Variants in SORBS3 observed in about 807,000 individuals in gnomAD.
SORBS3 encodes vinexin.
In SORBS3, 69 loss-of-function variants were observed where a neutral mutation model predicts 98.0. That is an observed-to-expected ratio of 0.70 (90% confidence interval 0.58 to 0.86). The LOEUF (loss-of-function observed/expected upper bound fraction) is 0.86, where lower values mean the gene tolerates loss of function less well. Among genes scored for constraint, SORBS3 ranks in the 40% least tolerant of loss-of-function variants. The probability of loss-of-function intolerance (pLI) is 0.00; values close to 1 mark genes in which losing one functional copy is unlikely to be tolerated. For synonymous variants in SORBS3, 394 were observed against 355.4 expected (o/e 1.11, Z -1.22); for missense variants, 954 against 908.5 (o/e 1.05, Z -0.64).
chr8:22,565,288 GGCCGAGCTGAGC>G lies in SORBS3; in HGVS notation c.847_858del (p.Ser283_Leu286del). On this transcript the variant is annotated inframe_deletion, in exon 11 of 21. Coordinates refer to ENST00000240123, the MANE Select transcript of SORBS3 (RefSeq NM_005775.5). The stretch of plus-strand genomic sequence containing the variant: ...CCCAGGTGCTGCTGGAGAGAGAGCT[GGCCGAGCTGAGC>G]GCCGAGCTGGACAAGGACCTGCGGG... The G allele has an allele frequency of 6.4e-7, 1 of 1,555,600 alleles. No homozygotes were observed. Among genetic ancestry groups the G allele is most frequent in the Non-Finnish European group, 8.7e-7 (1 of 1,149,834 alleles).
intron 18 of SORBS3, 138 bp from the exon 19 acceptor site, chr8:22,571,551 ACAGCAGGTGTCCCTGTGCCCTGGGGGTTT>A: frequency 1.6e-6 from 1 of 621,396 alleles, no homozygotes; most frequent in Non-Finnish European, 2.9e-6. Context: ...TGAAATAGTC[ACAGCAGGTGTCCCTGTGCCCTGGGGGTTT>A]GGAGGCTAAG....
rs1840349333 is a variant in SORBS3 at position 22,564,000 on chromosome 8, C to A, written c.598C>A (p.His200Asn). 7 of 1,613,428 alleles carry A rather than the reference C, an allele frequency of 4.3e-6. No individual in the cohort carries two copies. The highest frequency in any genetic ancestry group is 1.3e-5 in the African/African-American group (1 of 74,916). ...CCCTTTCTTTAGAAGAAGCTGGGACCACTCTGAAGAGTTACCTAGAAGCAC... is the reference window on the plus strand; with the variant it reads ...CCCTTTCTTTAGAAGAAGCTGGGACAACTCTGAAGAGTTACCTAGAAGCAC... Reference protein sequence around the residue: ...ATSSSGRSWDHSEELPRSTFN... With the variant: ...ATSSSGRSWDNSEELPRSTFN... Residue 200 changes from histidine (H) to asparagine (N), a missense_variant, in exon 8 of 21, where the codon CAC (histidine) becomes AAC (asparagine). Physicochemically the swap from His to Asn is moderately conservative, Grantham distance 68. Coordinates refer to ENST00000240123, the MANE Select transcript of SORBS3 (RefSeq NM_005775.5).
intron 17 of SORBS3, among the ~76,000 whole-genome samples, chr8:22,569,843 AT>A (rs1468485109): frequency 1.3e-5 from 2 of 151,858 alleles, no homozygotes; most frequent in African/African-American, 4.8e-5. Flanking sequence ...CTCCCAAGTA[AT>A]TTTGGTCCAT....
At chr8:22,559,908 T>C (rs146988711) in intron 5 of SORBS3, among the ~76,000 whole-genome samples, 1 of 150,096 alleles carries the variant, frequency 6.7e-6, no homozygotes, top group Admixed American at 6.7e-5. Flanking sequence ...CTCTATCAAA[T>C]ATACCAAAAT....
Position 22,563,131 on chromosome 8 carries a change from A to C in SORBS3, c.585-856A>C, listed in dbSNP as rs189839632. ...GAGACTCCGTATCAAAAAAAAAAAA[A>C]ATTATGATTACTGCTTCCTTAGGTT... On this transcript the variant is annotated intron_variant, in intron 7 of 20. Transcript: ENST00000240123. Among the ~76,000 whole-genome samples, 32 of 152,258 alleles carry C rather than the reference A, an allele frequency of 2.1e-4. 1 individual carries two copies. In the East Asian group the frequency reaches 4.6e-3, roughly 22 times the overall value.
At chr8:22,570,228 G>C (rs947725199) in intron 17 of SORBS3, among the ~76,000 whole-genome samples, 1 of 152,198 alleles carries the variant, frequency 6.6e-6, no homozygotes, top group African/African-American at 2.4e-5. Flanking sequence ...GAAGAAGGTG[G>C]CTGGATGGAG....
intron 12 of SORBS3, 47 bp downstream of exon 12, chr8:22,565,919 C>T (rs903501742): frequency 1.7e-6 from 2 of 1,180,550 alleles, no homozygotes; most frequent in East Asian, 6.6e-5. Flanking sequence ...CCAGGCCGGG[C>T]GGGAGGGAAC....
chr8:22,560,512 G>A (rs1383915705), intron 5 of SORBS3, among the ~76,000 whole-genome samples: 2 of 152,108 alleles, frequency 1.3e-5, no homozygotes, highest in Admixed American at 6.5e-5. Flanking sequence ...AGTGGAAAGG[G>A]AATTCCAAAA....
chr8:22,562,673 G>C (rs1840320262), intron 7 of SORBS3, among the ~76,000 whole-genome samples: 1 of 152,218 alleles, frequency 6.6e-6, no homozygotes, highest in African/African-American at 2.4e-5. Context: ...CACTAGCCAT[G>C]TGACTGTGGG....
chr8:22,557,968 G>A (rs1840217975), intron 4 of SORBS3, among the ~76,000 whole-genome samples, 161 bp from the exon 5 acceptor site: 1 of 152,200 alleles, frequency 6.6e-6, no homozygotes, highest in African/African-American at 2.4e-5. Flanking sequence ...GTTACATGAA[G>A]CTATTGTTAT....
chr8:22,568,773 AT>A (rs1840490221), intron 16 of SORBS3, among the ~76,000 whole-genome samples: 1 of 152,208 alleles, frequency 6.6e-6, no homozygotes, highest in South Asian at 2.1e-4. Context: ...AAAAGGGTGA[AT>A]GCTCAGTTTT....
At chr8:22,546,508 G>GT (rs1840017529) in intron 1 of SORBS3, among the ~76,000 whole-genome samples, 1 of 152,124 alleles carries the variant, frequency 6.6e-6, no homozygotes, top group Non-Finnish European at 1.5e-5. Flanking sequence ...ACGTGTTTCT[G>GT]TTTCTCCCAA....
In SORBS3 at chr8:22,558,091, T is replaced by C. The variant is rs10096986; in HGVS notation, c.415-38T>C. 15,622 of 1,606,174 alleles carry C rather than the reference T, an allele frequency of 9.7e-3. 1,200 individuals are homozygous for C. The African/African-American group carries it at 0.17, about 18-fold the overall frequency. ...TGTGGCTTGAAATTGGGAGGGTGAA[T>C]AAGCAGGGAGGACTGACTTTGCATT... On this transcript the variant is annotated intron_variant, in intron 4 of 20. Coordinates refer to ENST00000240123, the MANE Select transcript of SORBS3 (RefSeq NM_005775.5).
chr8:22,560,396 G>C (rs956070683), intron 5 of SORBS3, among the ~76,000 whole-genome samples: 7 of 152,116 alleles, frequency 4.6e-5, no homozygotes, highest in Admixed American at 3.9e-4. Context: ...GAGCCCCCAC[G>C]CACCTGGATG....
rs570444979 is a variant in SORBS3, at chr8:22,565,502, G to C, written c.903+148G>C. 6.4e-6 allele frequency: 4 copies of C among 627,652 alleles called. No individual in the cohort carries two copies. In the South Asian group the frequency reaches 1.7e-4, roughly 26 times the overall value. The allele number at this position is 627,652 out of a possible 1,614,324, so 38.9% of individuals were successfully genotyped here. ...GCACCGGCCTCGGGCCCTCCTGGGC[G>C]CTGGCGGGCTCGCTCCTCCATAAAT... On this transcript the variant is annotated intron_variant, in intron 11 of 20. Transcript: ENST00000240123.
chr8:22,545,034 G>C (rs1184445280), exon 1 of SORBS3: 1 of 152,214 alleles, frequency 6.6e-6, no homozygotes, highest in Non-Finnish European at 1.5e-5. Flanking sequence ...CCATCTGTGG[G>C]TATGGGCTCC....
intron 3 of SORBS3, among the ~76,000 whole-genome samples, chr8:22,556,355 G>A (rs1389649456): frequency 6.6e-6 from 1 of 152,178 alleles, no homozygotes; most frequent in African/African-American, 2.4e-5. Flanking sequence ...TGGTAGAGCT[G>A]GGGTCTGAAT....
Position 22,554,316 on chromosome 8 carries a change from G to T in SORBS3, c.-55-136G>T. 1.1e-6 allele frequency: 1 copy of T among 901,000 alleles called. No homozygotes were observed. The highest frequency in any genetic ancestry group is 2.0e-5 in the South Asian group (1 of 50,432). The allele number at this position is 901,000 out of a possible 1,614,324, so 55.8% of individuals were successfully genotyped here. A position where few individuals can be genotyped will look rare whatever the true frequency, so the allele number is the denominator to read the frequency against. ...GGTGCCTGGCGTGGCCTGTTTCCTGGGTCCTTGAGCTAGTACCCAGCTGGT... is the reference window on the plus strand; with the variant it reads ...GGTGCCTGGCGTGGCCTGTTTCCTGTGTCCTTGAGCTAGTACCCAGCTGGT... On this transcript the variant is annotated intron_variant, in intron 1 of 20. Transcript: ENST00000240123. This position sits in a 1 kb window ranked among gnomAD's most constrained non-coding sequence, Gnocchi z 6.5.
intron 1 of SORBS3, among the ~76,000 whole-genome samples, chr8:22,552,337 C>G (rs1005634397): frequency 6.6e-6 from 1 of 152,212 alleles, no homozygotes; most frequent in South Asian, 2.1e-4. Context: ...GGCCTCTCCC[C>G]GCTCCCGGGG....
Sources: gnomAD v4.1 joint callset for allele counts (sites outside exome capture counted in the v4.1 genomes callset) on GRCh38, gnomAD v4.1.1 for gene constraint, Gnocchi (gnomAD v3.1) non-coding constraint, MANE v1.5 for transcripts, NCBI Gene and HGNC (gene_info 2026-07-23, HGNC 2026-07-21) for gene names.